The following CSMD3 variants were observed in gnomAD, a reference collection of about 807,000 sequenced individuals.
The protein encoded by CSMD3 is CUB and sushi domain-containing protein 3.
In CSMD3, 177 loss-of-function variants were observed where a neutral mutation model predicts 435.2. The ratio of observed to expected loss-of-function variants is 0.41; its 90% CI spans 0.36 to 0.46. The LOEUF (loss-of-function observed/expected upper bound fraction) is 0.46, where lower values mean the gene tolerates loss of function less well. CSMD3 is among the 20% of genes least tolerant of loss of function. The probability of loss-of-function intolerance (pLI) is 0.34; values close to 1 mark genes in which losing one functional copy is unlikely to be tolerated. For missense variants in CSMD3, 4,265 were observed against 4,504.6 expected, an observed-to-expected ratio of 0.95 and a Z score of 1.52; for synonymous variants, 1,656 against 1,520.5, an observed-to-expected ratio of 1.09 and a Z score of -2.07.
chr8:112,370,928 G>T (rs1016080383), intron 38 of CSMD3, among the ~76,000 whole-genome samples: 12 of 152,124 alleles, frequency 7.9e-5, no homozygotes, highest in East Asian at 3.9e-4. Flanking sequence ...GAAGATATAG[G>T]CATTGAGACA....
chr8:112,396,318 C>A (rs994843080), intron 35 of CSMD3, among the ~76,000 whole-genome samples: 9 of 152,114 alleles, frequency 5.9e-5, no homozygotes, highest in African/African-American at 2.2e-4. Context: ...GAAAAACAAT[C>A]ATCATGTATA....
chr8:113,407,568 A>G (rs1290446506), intron 1 of CSMD3, among the ~76,000 whole-genome samples: 1 of 151,014 alleles, frequency 6.6e-6, no homozygotes, highest in Non-Finnish European at 1.5e-5. Flanking sequence ...ACACATATAT[A>G]TGTGTGTGTG....
intron 1 of CSMD3, among the ~76,000 whole-genome samples, chr8:113,332,095 C>T (rs1004434485): frequency 6.6e-6 from 1 of 151,482 alleles, no homozygotes; most frequent in Non-Finnish European, 1.5e-5. Flanking sequence ...GAGTCATGAA[C>T]ATTTTGGTTT....
intron 3 of CSMD3, among the ~76,000 whole-genome samples, chr8:113,191,419 C>G (rs555947280): frequency 3.3e-5 from 5 of 151,638 alleles, no homozygotes; most frequent in African/African-American, 1.2e-4. Flanking sequence ...AGAAGTCCCC[C>G]GTGTCTATTA....
chr8:113,257,563 G>A (rs1263042528), intron 3 of CSMD3, among the ~76,000 whole-genome samples: 1 of 152,130 alleles, frequency 6.6e-6, no homozygotes, highest in African/African-American at 2.4e-5. Context: ...TTCATCTGGT[G>A]TTCATTAGTA....
At chr8:112,547,475 G>C (rs932283518) in intron 27 of CSMD3, among the ~76,000 whole-genome samples, 1 of 152,096 alleles carries the variant, frequency 6.6e-6, no homozygotes, top group Admixed American at 6.6e-5. Flanking sequence ...TTGAACTTAG[G>C]AGGTTGAGGT....
At chr8:112,897,663 T>C (rs935387158) in intron 10 of CSMD3, among the ~76,000 whole-genome samples, 2 of 75,554 alleles carry the variant, frequency 2.6e-5, no homozygotes, top group African/African-American at 6.8e-5. Flanking sequence ...TAAAATACTA[T>C]TTCTCTCTCT....
intron 24 of CSMD3, among the ~76,000 whole-genome samples, chr8:112,571,966 A>C (rs1385846124): frequency 6.6e-6 from 1 of 151,918 alleles, no homozygotes; most frequent in Non-Finnish European, 1.5e-5. Flanking sequence ...TGTGTCATGC[A>C]TTTCAATATT....
At chr8:113,416,666 T>C (rs189450418) in intron 1 of CSMD3, among the ~76,000 whole-genome samples, 8 of 152,184 alleles carry the variant, frequency 5.3e-5, no homozygotes, top group African/African-American at 1.9e-4. Context: ...TCTGCGTCCT[T>C]CCCACTTAAC....
chr8:112,612,038 T>C (rs1255198356), intron 22 of CSMD3, among the ~76,000 whole-genome samples: 4 of 152,000 alleles, frequency 2.6e-5, no homozygotes, highest in African/African-American at 7.2e-5. Flanking sequence ...TATGAACAAG[T>C]TTGGTGGGAG....
At chr8:113,287,371 A>G (rs1378132261) in intron 2 of CSMD3, among the ~76,000 whole-genome samples, 1 of 152,118 alleles carries the variant, frequency 6.6e-6, no homozygotes. Flanking sequence ...GAACAAGCTG[A>G]TATTTAAAGT....
At chr8:113,016,037 G>T (rs1289416141) in intron 6 of CSMD3, among the ~76,000 whole-genome samples, 1 of 151,794 alleles carries the variant, frequency 6.6e-6, no homozygotes, top group East Asian at 1.9e-4. Context: ...ACATAATATT[G>T]AAGTGAATTT....
rs1362377367 is a variant in CSMD3, at chr8:112,492,700, G to C, written c.5084-17C>G. The C allele has an allele frequency of 1.2e-6, 2 of 1,604,228 alleles. No individual in the cohort carries two copies. Among genetic ancestry groups the C allele is most frequent in the Non-Finnish European group, 8.5e-7 (1 of 1,171,118 alleles). Reference sequence around the variant, plus strand: ...GCAGTTTTGCTGTAAAACAGTGTTAGTATAACATTAATTGCTTTAAAATAC... The same window carrying C: ...GCAGTTTTGCTGTAAAACAGTGTTACTATAACATTAATTGCTTTAAAATAC... On this transcript the variant is annotated splice_polypyrimidine_tract_variant and intron_variant, in intron 30 of 70. Coordinates refer to ENST00000297405, the MANE Select transcript of CSMD3 (RefSeq NM_198123.2).
At chr8:113,335,336 T>C (rs2094064097) in intron 1 of CSMD3, among the ~76,000 whole-genome samples, 1 of 152,088 alleles carries the variant, frequency 6.6e-6, no homozygotes, top group Non-Finnish European at 1.5e-5. Flanking sequence ...AACAAACTAA[T>C]ACAATGGTAA....
At chr8:112,477,301 A>G (rs1456132206) in intron 31 of CSMD3, among the ~76,000 whole-genome samples, 1 of 152,166 alleles carries the variant, frequency 6.6e-6, no homozygotes, top group East Asian at 1.9e-4. Flanking sequence ...TAAACATTAG[A>G]AATATATCCA....
chr8:113,048,574 A>C (rs2131316686), intron 5 of CSMD3, among the ~76,000 whole-genome samples: 1 of 152,334 alleles, frequency 6.6e-6, no homozygotes, highest in East Asian at 1.9e-4. Context: ...AGATTAAAAA[A>C]GAAAGATTAC....
At chr8:113,433,937 C>A (rs1318737027) in intron 1 of CSMD3, among the ~76,000 whole-genome samples, 1 of 152,092 alleles carries the variant, frequency 6.6e-6, no homozygotes, top group Non-Finnish European at 1.5e-5. Flanking sequence ...TGGATCAAGT[C>A]TAGGCAGCAC....
At chr8:112,396,318 C>T (rs994843080) in intron 35 of CSMD3, among the ~76,000 whole-genome samples, 1 of 152,114 alleles carries the variant, frequency 6.6e-6, no homozygotes, top group East Asian at 1.9e-4. Flanking sequence ...GAAAAACAAT[C>T]ATCATGTATA....
At chr8:113,022,309 A>G (rs956766219) in intron 5 of CSMD3, among the ~76,000 whole-genome samples, 1 of 152,124 alleles carries the variant, frequency 6.6e-6, no homozygotes, top group Non-Finnish European at 1.5e-5. Context: ...ATTCTAGCAT[A>G]AAGTCAATGA....
Sources: gnomAD v4.1 joint callset for allele counts (sites outside exome capture counted in the v4.1 genomes callset) on GRCh38, gnomAD v4.1.1 for gene constraint, MANE v1.5 for transcripts, NCBI Gene and HGNC (gene_info 2026-07-23, HGNC 2026-07-21) for gene names.